The following SMARCC1 variants were observed in gnomAD, a reference collection of about 807,000 sequenced individuals.
The protein encoded by SMARCC1 is SWI/SNF related BAF chromatin remodeling complex subunit C1.
In SMARCC1, 43 loss-of-function variants were observed where a neutral mutation model predicts 147.4. The observed-to-expected ratio is 0.29, with a 90% CI of 0.23 to 0.38. The LOEUF (loss-of-function observed/expected upper bound fraction) is 0.38, where lower values mean the gene tolerates loss of function less well. Ranked by LOEUF, SMARCC1 falls within the 10% of genes least tolerant of loss-of-function variation. The probability of loss-of-function intolerance (pLI) is 1.00; values close to 1 mark genes in which losing one functional copy is unlikely to be tolerated. For synonymous variants in SMARCC1, 495 were observed against 484.4 expected (o/e 1.02, Z -0.29); for missense variants, 1,119 against 1,381.1 (o/e 0.81, Z 3.01).
intron 26 of SMARCC1, among the ~76,000 whole-genome samples, chr3:47,605,471 A>T (rs2032457077): frequency 6.6e-6 from 1 of 152,198 alleles, no homozygotes; most frequent in Non-Finnish European, 1.5e-5. Context: ...TACAGTGTTG[A>T]GTGGAAGAAG....
At chr3:47,719,591 A>G (rs78299429) in intron 7 of SMARCC1, among the ~76,000 whole-genome samples, 4,559 of 152,018 alleles carry the variant, frequency 0.03, 110 homozygotes, top group Non-Finnish European at 0.044. Context: ...AATCCCAGCT[A>G]CTAGGAAGGA....
At chr3:47,772,776 C>A (rs1321767025) in intron 2 of SMARCC1, 41 bp downstream of exon 2, 2 of 1,565,404 alleles carry the variant, frequency 1.3e-6, no homozygotes, top group South Asian at 1.2e-5. Flanking sequence ...AAGTATACAG[C>A]AACTGAGGAT....
At chr3:47,696,740 C>G (rs1264743405) in intron 11 of SMARCC1, among the ~76,000 whole-genome samples, 1 of 152,092 alleles carries the variant, frequency 6.6e-6, no homozygotes, top group Non-Finnish European at 1.5e-5. Context: ...CCAGGCTGGT[C>G]TTGAACTCTT....
chr3:47,678,968 G>A (rs1026368262), intron 15 of SMARCC1, among the ~76,000 whole-genome samples: 3 of 152,112 alleles, frequency 2.0e-5, no homozygotes, highest in Non-Finnish European at 4.4e-5. Flanking sequence ...GGGAGATCAC[G>A]GCGGGGCAAT....
chr3:47,606,811 G>C (rs1358554080), intron 26 of SMARCC1, among the ~76,000 whole-genome samples: 3 of 151,724 alleles, frequency 2.0e-5, no homozygotes, highest in Non-Finnish European at 1.5e-5. Context: ...GGGCTCAAGT[G>C]ATCCTCCAGC....
At chr3:47,679,755 G>T (rs1051773698) in intron 15 of SMARCC1, among the ~76,000 whole-genome samples, 4 of 151,808 alleles carry the variant, frequency 2.6e-5, no homozygotes, top group African/African-American at 9.7e-5. Context: ...TCAACTACGT[G>T]GGAGGCTGAG....
intron 18 of SMARCC1, among the ~76,000 whole-genome samples, chr3:47,674,082 G>A (rs2033538986): frequency 6.6e-6 from 1 of 152,166 alleles, no homozygotes. Flanking sequence ...CTTTTGTCAT[G>A]TTTCTAAATA....
In SMARCC1 at chr3:47,596,377, G is replaced by A. The variant is rs916812945; in HGVS notation, c.3044-5540C>T. On this transcript the variant is annotated intron_variant, in intron 26 of 27. Transcript: ENST00000254480. ...GAGGTCAGGAGTTCAAGACCAGCCC[G>A]GCCAAGATGGTGAAACCCCATCTCT... Among the ~76,000 whole-genome samples, 7 of 151,950 alleles carry A rather than the reference G, an allele frequency of 4.6e-5. 1 individual carries two copies. Among genetic ancestry groups the A allele is most frequent in the Non-Finnish European group, 7.4e-5 (5 of 67,980 alleles).
intron 2 of SMARCC1, among the ~76,000 whole-genome samples, chr3:47,748,831 T>C (rs750748201): frequency 2.9e-4 from 44 of 152,000 alleles, no homozygotes; most frequent in Non-Finnish European, 4.6e-4. Context: ...AAAAGCAGAA[T>C]GGTGGTTGCC....
chr3:47,758,183 G>A (rs538542725), intron 2 of SMARCC1, among the ~76,000 whole-genome samples: 22 of 152,184 alleles, frequency 1.4e-4, no homozygotes, highest in African/African-American at 5.1e-4. Flanking sequence ...GCAGTGGAAT[G>A]ATCACTACTC....
intron 2 of SMARCC1, among the ~76,000 whole-genome samples, chr3:47,757,146 G>C (rs1352731031): frequency 6.6e-6 from 1 of 152,096 alleles, no homozygotes. Context: ...AGCTGCTTGA[G>C]AGGCTGAGGT....
At chr3:47,742,698 TCAGCATC>T (rs1327218333) in intron 3 of SMARCC1, among the ~76,000 whole-genome samples, 1 of 152,154 alleles carries the variant, frequency 6.6e-6, no homozygotes, top group Non-Finnish European at 1.5e-5. Context: ...TCCTCCCACC[TCAGCATC>T]CGGAGTAGCT....
chr3:47,616,942 A>G (rs960612311), intron 25 of SMARCC1, among the ~76,000 whole-genome samples: 1 of 152,238 alleles, frequency 6.6e-6, no homozygotes, highest in Non-Finnish European at 1.5e-5. Context: ...TACTAGGTTA[A>G]GATGAGCAAG....
chr3:47,721,196 C>G (rs933404399), intron 6 of SMARCC1, among the ~76,000 whole-genome samples: 1 of 152,148 alleles, frequency 6.6e-6, no homozygotes, highest in Non-Finnish European at 1.5e-5. Flanking sequence ...TACTCTGCTT[C>G]CTCTAGATTC....
chr3:47,670,515 T>C, intron 19 of SMARCC1, 143 bp downstream of exon 19: 1 of 637,456 alleles, frequency 1.6e-6, no homozygotes. Flanking sequence ...GCCTGGGAGG[T>C]AGAGGCTGCA....
intron 26 of SMARCC1, among the ~76,000 whole-genome samples, chr3:47,597,645 T>C (rs1489051518): frequency 6.6e-6 from 1 of 152,078 alleles, no homozygotes; most frequent in Non-Finnish European, 1.5e-5. Flanking sequence ...TAATTTTTTA[T>C]AGAGATGGGG....
At chr3:47,647,885 T>TA (rs2033138921) in intron 21 of SMARCC1, among the ~76,000 whole-genome samples, 1 of 152,246 alleles carries the variant, frequency 6.6e-6, no homozygotes, top group Non-Finnish European at 1.5e-5. Context: ...GTGGCCAATC[T>TA]AGTTTATTTC....
Position 47,591,028 on chromosome 3 carries a change from T to C in SMARCC1, c.3044-191A>G, listed in dbSNP as rs187570137. ...GGGTTTTTTGGAAGAAGGGTGTTAATGGGGGTAGGTCTGTGGAATGACTGA... is the reference window on the plus strand; with the variant it reads ...GGGTTTTTTGGAAGAAGGGTGTTAACGGGGGTAGGTCTGTGGAATGACTGA... On this transcript the variant is annotated intron_variant, in intron 26 of 27. Transcript: ENST00000254480. 3.3e-5 allele frequency among the ~76,000 whole-genome samples: 5 copies of C among 152,264 alleles called. No individual in the cohort carries two copies. The East Asian group carries it at 9.6e-4, about 29-fold the overall frequency.
At chr3:47,763,291 C>T (rs1576434985) in intron 2 of SMARCC1, among the ~76,000 whole-genome samples, 3 of 150,716 alleles carry the variant, frequency 2.0e-5, no homozygotes, top group Admixed American at 2.0e-4. Context: ...GGATTACAGG[C>T]ATGAGCCACC....
Sources: gnomAD v4.1 joint callset for allele counts (sites outside exome capture counted in the v4.1 genomes callset) on GRCh38, gnomAD v4.1.1 for gene constraint, MANE v1.5 for transcripts, NCBI Gene and HGNC (gene_info 2026-07-23, HGNC 2026-07-21) for gene names.